BFAR: variants seen among roughly 807,000 people sequenced by gnomAD.
BFAR encodes bifunctional apoptosis regulator.
A neutral mutation model predicts 54.4 loss-of-function variants in BFAR; 52 were observed. The ratio of observed to expected loss-of-function variants is 0.96; its 90% confidence interval spans 0.77 to 1.21. The LOEUF is 1.21. Among genes scored for constraint, BFAR ranks in the 50% most tolerant of loss-of-function variants. BFAR has a pLI of 0.00. For missense variants in BFAR, 571 were observed against 534.0 expected (o/e 1.07, Z -0.68); for synonymous variants, 215 against 204.3 (o/e 1.05, Z -0.45).
At chr16:14,646,359 T>C (rs1959794915) in intron 2 of BFAR, among the ~76,000 whole-genome samples, 1 of 150,840 alleles carries the variant, frequency 6.6e-6, no homozygotes, top group African/African-American at 2.4e-5. Context: ...GGTGAATGTT[T>C]GTATTTTCAG....
intron 1 of BFAR, among the ~76,000 whole-genome samples, chr16:14,641,883 G>T (rs1959639215): frequency 6.6e-6 from 1 of 152,154 alleles, no homozygotes; most frequent in Non-Finnish European, 1.5e-5. Context: ...TAAAAATCAA[G>T]TGAATTGTTA....
chr16:14,655,486 C>CT (rs1194596499), intron 5 of BFAR, among the ~76,000 whole-genome samples: 249 of 139,750 alleles, frequency 1.8e-3, no homozygotes, highest in Non-Finnish European at 2.2e-3. Flanking sequence ...TTTTTTCTTT[C>CT]TTTTTTTTTT....
intron 4 of BFAR, 56 bp downstream of exon 4, chr16:14,650,029 A>C: frequency 6.5e-7 from 1 of 1,536,454 alleles, no homozygotes. Context: ...AGCTTTCTTG[A>C]GATATAATCC....
At position 14,663,190 on chromosome 16, in the gene BFAR, C is replaced by T. The variant is rs113049337; in HGVS notation, c.957+1125C>T. 8.7e-4 allele frequency among the ~76,000 whole-genome samples: 132 copies of T among 152,162 alleles called. 2 individuals are homozygous for T. Among genetic ancestry groups the T allele is most frequent in the Non-Finnish European group, 2.9e-4 (20 of 68,038 alleles). On this transcript the variant is annotated intron_variant, in intron 6 of 7. Coordinates refer to ENST00000261658, the MANE Select transcript of BFAR (RefSeq NM_016561.3). ...TCTTTCTTTGGAGGCAGAAATTGGG[C>T]ATAAGACAACATGAGGGGTGGTCTC...
intron 5 of BFAR, among the ~76,000 whole-genome samples, chr16:14,658,222 G>A (rs966805193): frequency 6.6e-6 from 1 of 152,250 alleles, no homozygotes; most frequent in East Asian, 1.9e-4. Flanking sequence ...TTGAGGAGGC[G>A]GTGTCTGATT....
intron 7 of BFAR, 160 bp downstream of exon 7, chr16:14,665,231 A>C: frequency 1.6e-6 from 1 of 643,872 alleles, no homozygotes; most frequent in Non-Finnish European, 2.6e-6. Context: ...GAATAGGACA[A>C]TTACCTGTGT....
intron 5 of BFAR, among the ~76,000 whole-genome samples, chr16:14,659,267 G>C (rs1421194025): frequency 6.9e-6 from 1 of 144,160 alleles, no homozygotes; most frequent in African/African-American, 2.6e-5. Flanking sequence ...TTTTGAAACA[G>C]AGTCTCGCTC....
intron 7 of BFAR, among the ~76,000 whole-genome samples, chr16:14,666,063 G>A (rs1035253337): frequency 6.6e-6 from 1 of 152,120 alleles, no homozygotes; most frequent in African/African-American, 2.4e-5. Flanking sequence ...GGGGGCCCTT[G>A]TCTTCTCCAC....
intron 3 of BFAR, 69 bp downstream of exon 3, chr16:14,648,661 G>C: frequency 8.5e-7 from 1 of 1,174,140 alleles, no homozygotes; most frequent in South Asian, 1.3e-5. Context: ...TTCCACTGAA[G>C]TCAGTTCTGT....
chr16:14,648,541 G>A lies in BFAR; in HGVS notation c.417G>A (p.Gln139=). 2 of 1,614,078 alleles carry A rather than the reference G, an allele frequency of 1.2e-6. No individual in the cohort carries two copies. Among genetic ancestry groups the A allele is most frequent in the Non-Finnish European group, 1.7e-6 (2 of 1,179,980 alleles). The change falls in exon 3 of 8, where the codon CAG becomes CAA. Residue 139 remains glutamine, a synonymous_variant. Coordinates refer to ENST00000261658, the MANE Select transcript of BFAR (RefSeq NM_016561.3). ...LAPNTGRANQ[Q]MGGGFFSGVL... Reference sequence around the variant, plus strand: ...CTAACACAGGCCGAGCGAATCAGCAGATGGGAGGGGGATTCTTTTCCGGTG... The same window carrying A: ...CTAACACAGGCCGAGCGAATCAGCAAATGGGAGGGGGATTCTTTTCCGGTG...
intron 1 of BFAR, among the ~76,000 whole-genome samples, chr16:14,637,361 A>AT (rs56024170): frequency 0.12 from 18,132 of 148,888 alleles, 1,329 homozygotes; most frequent in Non-Finnish European, 0.18. Flanking sequence ...TCAGACCATG[A>AT]TTTTTTTTTT....
chr16:14,663,324 T>C (rs1338653428), intron 6 of BFAR, among the ~76,000 whole-genome samples: 1 of 150,422 alleles, frequency 6.6e-6, no homozygotes, highest in African/African-American at 2.5e-5. Context: ...CCTCTGCCTG[T>C]TCATCAGGCT....
chr16:14,668,128 G>T lies in BFAR; in HGVS notation c.*301G>T. 1 of 397,198 alleles carries T rather than the reference G, an allele frequency of 2.5e-6. No homozygotes were observed. The highest frequency in any genetic ancestry group is 4.6e-6 in the Non-Finnish European group (1 of 219,494). The allele number at this position is 397,198 out of a possible 1,614,324, so 24.6% of individuals were successfully genotyped here. On this transcript the variant is annotated 3_prime_UTR_variant, in exon 8 of 8. Transcript: ENST00000261658. ...GTCCCCAACGGCTGGCAAGACTCAG[G>T]GTCCTCAGTGGACATGGTGTGGGTG...
At chr16:14,657,605 C>G (rs764804505) in intron 5 of BFAR, among the ~76,000 whole-genome samples, 1 of 151,534 alleles carries the variant, frequency 6.6e-6, no homozygotes, top group Non-Finnish European at 1.5e-5. Context: ...TGCAGTGGTG[C>G]GACCTTAGCT....
At chr16:14,648,159 G>A (rs922662324) in intron 2 of BFAR, among the ~76,000 whole-genome samples, 1 of 152,096 alleles carries the variant, frequency 6.6e-6, no homozygotes, top group Non-Finnish European at 1.5e-5. Flanking sequence ...CAGCCTGGGC[G>A]ACAGAGTAAG....
At chr16:14,644,691 G>A in intron 2 of BFAR, 82 bp downstream of exon 2, 1 of 1,374,608 alleles carries the variant, frequency 7.3e-7, no homozygotes, top group Non-Finnish European at 9.9e-7. Flanking sequence ...TTTTTTAACA[G>A]AGATGGCGTC....
rs978866567 is a variant in BFAR, at chr16:14,662,866, G to A, written c.957+801G>A. On this transcript the variant is annotated intron_variant, in intron 6 of 7. Coordinates refer to ENST00000261658, the MANE Select transcript of BFAR (RefSeq NM_016561.3). ...CGGCAAGACTCCTGTCTCAAGAGCC[G>A]AGCTCCCCGAGTGAGCAATTCCTGT... Among the ~76,000 whole-genome samples the A allele has an allele frequency of 7.9e-5, 12 of 152,194 alleles. No homozygotes were observed. In the South Asian group the frequency reaches 1.2e-3, roughly 16 times the overall value.
chr16:14,654,807 C>T (rs1960075408), intron 4 of BFAR, among the ~76,000 whole-genome samples: 1 of 152,128 alleles, frequency 6.6e-6, no homozygotes, highest in Admixed American at 6.6e-5. Context: ...AGCGAGTTTT[C>T]TGATCTACAA....
rs1960523405 is a variant in BFAR at position 14,669,041 on chromosome 16, C to T, written c.*1214C>T. ...CTTTTATTTCCTTCCAGTGTGAACACAGCAGGTGTGAGATGTCATCTTGGA... is the reference window on the plus strand; with the variant it reads ...CTTTTATTTCCTTCCAGTGTGAACATAGCAGGTGTGAGATGTCATCTTGGA... On this transcript the variant is annotated 3_prime_UTR_variant, in exon 8 of 8. Coordinates refer to ENST00000261658, the MANE Select transcript of BFAR (RefSeq NM_016561.3). 1 of 454,938 alleles carries T rather than the reference C, an allele frequency of 2.2e-6. No homozygotes were observed. Among genetic ancestry groups the T allele is most frequent in the South Asian group, 1.6e-5 (1 of 64,314 alleles). The allele number at this position is 454,938 out of a possible 1,614,324, so 28.2% of individuals were successfully genotyped here. A position where few individuals can be genotyped will look rare whatever the true frequency, so the allele number is the denominator to read the frequency against.
Sources: gnomAD v4.1 joint callset for allele counts (sites outside exome capture counted in the v4.1 genomes callset) on GRCh38, gnomAD v4.1.1 for gene constraint, MANE v1.5 for transcripts, NCBI Gene and HGNC (gene_info 2026-07-23, HGNC 2026-07-21) for gene names.